The following TRIM67 variants were observed in gnomAD, a reference collection of about 807,000 sequenced individuals.
The protein encoded by TRIM67 is tripartite motif-containing protein 67.
TRIM67 carries 39 observed loss-of-function variants against 71.0 expected under a neutral mutation model. That is an observed-to-expected ratio of 0.55 (90% CI 0.43 to 0.72). The LOEUF (loss-of-function observed/expected upper bound fraction) is 0.72. TRIM67 is among the 30% of genes least tolerant of loss of function. The pLI is 0.00. For synonymous variants in TRIM67, 481 were observed against 473.9 expected, an observed-to-expected ratio of 1.01 and a Z score of -0.19; for missense variants, 973 against 1,079.2, an observed-to-expected ratio of 0.90 and a Z score of 1.38.
In TRIM67 at chr1:231,220,082, C is replaced by A. The variant is rs1215290296; in HGVS notation, c.*4642C>A. The A allele has an allele frequency of 2.9e-6, 2 of 695,828 alleles. No homozygotes were observed. The highest frequency in any genetic ancestry group is 1.3e-4 in the East Asian group (2 of 14,862). The allele number at this position is 695,828 out of a possible 1,614,324, so 43.1% of individuals were successfully genotyped here. A position where few individuals can be genotyped will look rare whatever the true frequency, so the allele number is the denominator to read the frequency against. ...CCTCTGATGTATTGTGAGGATTATA[C>A]AATAACATTTTTAAAGAAAAAAAGT... On this transcript the variant is annotated 3_prime_UTR_variant, in exon 10 of 10. Coordinates refer to ENST00000366653, the MANE Select transcript of TRIM67 (RefSeq NM_001004342.5).
At position 231,186,133 on chromosome 1, in the gene TRIM67, T is replaced by C. The variant is rs1445571779; in HGVS notation, c.1045-11238T>C. 9 of 1,533,084 alleles carry C rather than the reference T, an allele frequency of 5.9e-6. No homozygotes were observed. The African/African-American group carries it at 1.2e-4, about 21-fold the overall frequency. 95.0% of individuals were successfully genotyped at this position (1,533,084 alleles called of 1,614,324 possible). ...CTGAATGAATACATCGGTGAATGGA[T>C]GAAGGGCTTGACAGCCAGGCTGAGG... On this transcript the variant is annotated intron_variant, in intron 1 of 9. Coordinates refer to ENST00000366653, the MANE Select transcript of TRIM67 (RefSeq NM_001004342.5).
Position 231,220,165 on chromosome 1 carries a change from T to C in TRIM67, c.*4725T>C, listed in dbSNP as rs1684107612. 2.6e-6 allele frequency: 1 copy of C among 384,084 alleles called. No homozygotes were observed. The highest frequency in any genetic ancestry group is 4.9e-6 in the Non-Finnish European group (1 of 202,500). 23.8% of individuals were successfully genotyped at this position (384,084 alleles called of 1,614,324 possible). A position where few individuals can be genotyped will look rare whatever the true frequency, so the allele number is the denominator to read the frequency against. On this transcript the variant is annotated 3_prime_UTR_variant, in exon 10 of 10. Transcript: ENST00000366653. ...ATTCCCATTCAGTGACTCAAACCTG[T>C]GGGGGGCGTTCCAGTGTTCTCTGAC...
intron 1 of TRIM67, among the ~76,000 whole-genome samples, chr1:231,175,965 T>C (rs1682736263): frequency 6.6e-6 from 1 of 152,194 alleles, no homozygotes; most frequent in Non-Finnish European, 1.5e-5. Flanking sequence ...TGTATTGTCA[T>C]CTGTCAGGCT....
intron 1 of TRIM67, among the ~76,000 whole-genome samples, chr1:231,196,019 C>T (rs1468911170): frequency 2.0e-5 from 3 of 152,152 alleles, no homozygotes; most frequent in Non-Finnish European, 2.9e-5. Context: ...CTTCCAGTGC[C>T]GGGATAAGCT....
chr1:231,192,871 A>G (rs777383589), intron 1 of TRIM67, among the ~76,000 whole-genome samples: 4 of 152,224 alleles, frequency 2.6e-5, no homozygotes, highest in Non-Finnish European at 4.4e-5. Context: ...CTGAACCGTG[A>G]GACTGTCCCC....
intron 3 of TRIM67, 42 bp from the exon 4 acceptor site, chr1:231,200,106 C>A: frequency 6.7e-7 from 1 of 1,485,866 alleles, no homozygotes; most frequent in Non-Finnish European, 9.4e-7. Context: ...GCCTGTTCTT[C>A]CTCTCATGAG....
intron 1 of TRIM67, chr1:231,184,904 C>T (rs1571880465): frequency 8.2e-6 from 8 of 970,694 alleles, no homozygotes; most frequent in South Asian, 4.9e-5. Flanking sequence ...AACTAGGTCA[C>T]GTAAAATTAG....
chr1:231,219,590 C>G lies in TRIM67; in HGVS notation c.*4150C>G. 3.5e-6 allele frequency: 4 copies of G among 1,129,236 alleles called. No homozygotes were observed. The highest frequency in any genetic ancestry group is 4.4e-6 in the Non-Finnish European group (4 of 913,940). The allele number at this position is 1,129,236 out of a possible 1,614,324, so 70.0% of individuals were successfully genotyped here. ...AATTTTCACTCACTGAAGATGCCCC[C>G]TGCCCGCTCCCCACTTCCTAGAAAG... is the stretch of plus-strand genomic sequence containing the variant. On this transcript the variant is annotated 3_prime_UTR_variant, in exon 10 of 10. Transcript: ENST00000366653.
At chr1:231,212,023 G>A (rs1275047653) in intron 8 of TRIM67, among the ~76,000 whole-genome samples, 1 of 152,152 alleles carries the variant, frequency 6.6e-6, no homozygotes, top group African/African-American at 2.4e-5. Flanking sequence ...TTATTAAGCC[G>A]GTGGCCAAAG....
intron 1 of TRIM67, among the ~76,000 whole-genome samples, chr1:231,197,011 A>G (rs1467581885): frequency 1.3e-5 from 2 of 152,224 alleles, no homozygotes; most frequent in African/African-American, 4.8e-5. Context: ...CCATACAGGC[A>G]TGTACTGATT....
chr1:231,178,571 G>A, intron 1 of TRIM67, among the ~76,000 whole-genome samples: 1 of 152,220 alleles, frequency 6.6e-6, no homozygotes, highest in Middle Eastern at 3.2e-3. Context: ...TTGGGGTAGG[G>A]CTAAGAAGCA....
chr1:231,217,224 C>G lies in TRIM67; in HGVS notation c.*1784C>G. 2 of 986,094 alleles carry G rather than the reference C, an allele frequency of 2.0e-6. No homozygotes were observed. Among genetic ancestry groups the G allele is most frequent in the Non-Finnish European group, 2.4e-6 (2 of 830,116 alleles). 61.1% of individuals were successfully genotyped at this position (986,094 alleles called of 1,614,324 possible). On this transcript the variant is annotated 3_prime_UTR_variant, in exon 10 of 10. Coordinates refer to ENST00000366653, the MANE Select transcript of TRIM67 (RefSeq NM_001004342.5). ...TGGCCGGCAAGGCCAGCTGCCCCGTCTCCAGGAGCTGCTCGGTGCTGTGTT... is the reference window on the plus strand; with the variant it reads ...TGGCCGGCAAGGCCAGCTGCCCCGTGTCCAGGAGCTGCTCGGTGCTGTGTT...
Position 231,203,979 on chromosome 1 carries a change from G to C in TRIM67, c.1647G>C (p.Leu549=), listed in dbSNP as rs372211646. 3.1e-6 allele frequency: 5 copies of C among 1,613,900 alleles called. No homozygotes were observed. In the African/African-American group the frequency reaches 6.7e-5, roughly 22 times the overall value. ...ACAGCCCCGTGGACGGCTACATCCT[G>C]GAGCTGGACGACGGTGCCGGGGGAC... is the stretch of plus-strand genomic sequence containing the variant. ...FTHSPVDGYI[L]ELDDGAGGQF... Residue 549 remains leucine, a synonymous_variant, in exon 6 of 10, where the codon CTG becomes CTC. Coordinates refer to ENST00000366653, the MANE Select transcript of TRIM67 (RefSeq NM_001004342.5).
rs1178448438 is a variant in TRIM67 at position 231,163,516 on chromosome 1, G to C, written c.547G>C (p.Glu183Gln). The change falls in exon 1 of 10, where the codon GAG becomes CAG. Residue 183 changes from glutamate to glutamine, a missense_variant. Physicochemically the swap from Glu to Gln is conservative, Grantham distance 29. Around this residue, in one of 2 missense-constraint regions of TRIM67, gnomAD observed 795 missense variants for 831.3 expected, o/e 0.96. Transcript: ENST00000366653. ...CGGCTTCCAGCGCAACCGGCTGCTCGAGGCCATCGTGCAGCGGTACCAGCA... is the reference window on the plus strand; with the variant it reads ...CGGCTTCCAGCGCAACCGGCTGCTCCAGGCCATCGTGCAGCGGTACCAGCA... ...LRGFQRNRLL[E>Q]AIVQRYQQGR... 2.0e-6 allele frequency: 3 copies of C among 1,517,634 alleles called. No homozygotes were observed. Among genetic ancestry groups the C allele is most frequent in the African/African-American group, 1.4e-5 (1 of 69,918 alleles). The allele number at this position is 1,517,634 out of a possible 1,614,324, so 94.0% of individuals were successfully genotyped here.
intron 1 of TRIM67, chr1:231,187,749 G>T: frequency 1.7e-6 from 1 of 599,214 alleles, no homozygotes; most frequent in Middle Eastern, 4.5e-4. Context: ...GTAGCCAGAG[G>T]GACAGCGGGC....
rs1200651014 is a variant in TRIM67, at chr1:231,217,650, G to A, written c.*2210G>A. 3 of 1,159,692 alleles carry A rather than the reference G, an allele frequency of 2.6e-6. No homozygotes were observed. The highest frequency in any genetic ancestry group is 3.2e-6 in the Non-Finnish European group (3 of 924,880). 71.8% of individuals were successfully genotyped at this position (1,159,692 alleles called of 1,614,324 possible). ...AGAGTGGGCTAGGCAGGGCTGCCTG[G>A]TGACAGCAGCTTCTCACAGGGGAGC... On this transcript the variant is annotated 3_prime_UTR_variant, in exon 10 of 10. Coordinates refer to ENST00000366653, the MANE Select transcript of TRIM67 (RefSeq NM_001004342.5).
intron 1 of TRIM67, among the ~76,000 whole-genome samples, chr1:231,192,416 G>A (rs1683255523): frequency 6.6e-6 from 1 of 152,074 alleles, no homozygotes; most frequent in South Asian, 2.1e-4. Context: ...CTGGGTTCAA[G>A]CAATCCTCCC....
At chr1:231,214,701 C>A (rs1683965360) in intron 9 of TRIM67, among the ~76,000 whole-genome samples, 1 of 151,182 alleles carries the variant, frequency 6.6e-6, no homozygotes, top group Non-Finnish European at 1.5e-5. Flanking sequence ...ATGGCATGAA[C>A]CCGGGAGGCG....
At position 231,209,689 on chromosome 1, in the gene TRIM67, C is replaced by T. The variant is rs2102761166; in HGVS notation, c.2123+439C>T. 6.6e-6 allele frequency among the ~76,000 whole-genome samples: 1 copy of T among 152,364 alleles called. No homozygotes were observed. Among genetic ancestry groups the T allele is most frequent in the Middle Eastern group, 3.4e-3 (1 of 294 alleles). On this transcript the variant is annotated intron_variant, in intron 8 of 9. Transcript: ENST00000366653. This position sits in a 1 kb window ranked among gnomAD's most constrained non-coding sequence, Gnocchi z 4.1. ...AACTTGCCTGCAGTGATCCTGGCCACTGCCCTGGTCTCATGTGGGCTTGAG... is the reference window on the plus strand; with the variant it reads ...AACTTGCCTGCAGTGATCCTGGCCATTGCCCTGGTCTCATGTGGGCTTGAG...
Sources: allele counts gnomAD v4.1 joint callset (sites outside exome capture counted in the v4.1 genomes callset), GRCh38; gene constraint gnomAD v4.1.1; regional missense constraint gnomAD v4.1.1; non-coding constraint Gnocchi (gnomAD v3.1); transcripts MANE v1.5; gene names NCBI Gene and HGNC (gene_info 2026-07-23, HGNC 2026-07-21).